GRID2: variants seen among roughly 807,000 people sequenced by gnomAD.
The protein encoded by GRID2 is glutamate ionotropic receptor delta type subunit 2, also known as glutamate receptor ionotropic, delta-2.
A neutral mutation model predicts 114.8 loss-of-function variants in GRID2; 33 were observed. The ratio of observed to expected loss-of-function variants is 0.29; its 90% CI spans 0.22 to 0.38. The LOEUF (loss-of-function observed/expected upper bound fraction) is 0.38. Ranked by LOEUF, GRID2 falls within the 10% of genes least tolerant of loss-of-function variation. The pLI is 1.00. For missense variants in GRID2, 1,184 were observed against 1,257.7 expected (o/e 0.94, Z 0.89); for synonymous variants, 505 against 449.9 (o/e 1.12, Z -1.55).
intron 4 of GRID2, among the ~76,000 whole-genome samples, chr4:93,167,828 A>T (rs1195511120): frequency 3.3e-5 from 5 of 152,096 alleles, no homozygotes; most frequent in Admixed American, 6.6e-5. Flanking sequence ...AATATTTTAG[A>T]GATGCATTCT....
intron 8 of GRID2, among the ~76,000 whole-genome samples, chr4:93,323,254 T>C (rs556398883): frequency 6.6e-6 from 1 of 152,340 alleles, no homozygotes; most frequent in Admixed American, 6.5e-5. Flanking sequence ...CAGTTTCAGC[T>C]TTCTACATAT....
At chr4:92,676,963 A>G (rs990875755) in intron 2 of GRID2, among the ~76,000 whole-genome samples, 4 of 152,222 alleles carry the variant, frequency 2.6e-5, no homozygotes, top group African/African-American at 9.6e-5. Flanking sequence ...AAATTCTGAC[A>G]CATGCTAAAA....
At chr4:92,927,706 G>A (rs1448678656) in intron 2 of GRID2, among the ~76,000 whole-genome samples, 1 of 151,770 alleles carries the variant, frequency 6.6e-6, no homozygotes, top group Non-Finnish European at 1.5e-5. Context: ...AGTTGTCTGA[G>A]AGTGTGCATT....
At chr4:93,419,367 T>C (rs765043910) in intron 9 of GRID2, among the ~76,000 whole-genome samples, 5 of 151,964 alleles carry the variant, frequency 3.3e-5, no homozygotes, top group African/African-American at 4.8e-5. Flanking sequence ...TAGATAAAAG[T>C]GATCAAAACA....
At chr4:93,142,216 C>T (rs1735837717) in intron 4 of GRID2, among the ~76,000 whole-genome samples, 1 of 151,986 alleles carries the variant, frequency 6.6e-6, no homozygotes, top group Admixed American at 6.6e-5. Context: ...CTATCTCAAA[C>T]AAACAAACAA....
intron 2 of GRID2, among the ~76,000 whole-genome samples, chr4:92,762,616 A>C (rs1409915087): frequency 1.3e-5 from 2 of 152,192 alleles, no homozygotes; most frequent in Non-Finnish European, 2.9e-5. Context: ...GGATGTAGTG[A>C]TGCCCCACTT....
chr4:92,944,242 G>A (rs894231734), intron 2 of GRID2, among the ~76,000 whole-genome samples: 13 of 151,910 alleles, frequency 8.6e-5, no homozygotes, highest in South Asian at 2.1e-4. Context: ...AATTTTGGCC[G>A]CTTTGTTTAC....
At chr4:92,906,618 T>G (rs1747977200) in intron 2 of GRID2, among the ~76,000 whole-genome samples, 2 of 152,062 alleles carry the variant, frequency 1.3e-5, no homozygotes, top group Admixed American at 6.6e-5. Context: ...TACTTATCAT[T>G]TATTTATTTA....
intron 2 of GRID2, among the ~76,000 whole-genome samples, chr4:92,785,554 A>G (rs1459278039): frequency 6.6e-6 from 1 of 151,782 alleles, no homozygotes; most frequent in Non-Finnish European, 1.5e-5. Context: ...TGCTATCTTT[A>G]AAAACAGGCT....
chr4:93,291,471 T>C (rs1339179295), intron 8 of GRID2, among the ~76,000 whole-genome samples: 1 of 152,206 alleles, frequency 6.6e-6, no homozygotes, highest in Non-Finnish European at 1.5e-5. Flanking sequence ...GTCTGACGTA[T>C]AGTAAACACT....
intron 12 of GRID2, among the ~76,000 whole-genome samples, chr4:93,503,657 A>G (rs1728352398): frequency 6.6e-6 from 1 of 152,002 alleles, no homozygotes; most frequent in Non-Finnish European, 1.5e-5. Context: ...ACATGAACTC[A>G]AACCACTTTG....
chr4:92,440,730 G>A (rs996643438), intron 1 of GRID2, among the ~76,000 whole-genome samples: 126 of 152,010 alleles, frequency 8.3e-4, no homozygotes, highest in East Asian at 3.5e-3. Context: ...TAAATCAAGC[G>A]TGATCAGGGT....
chr4:93,284,539 T>C (rs72666969), intron 8 of GRID2, among the ~76,000 whole-genome samples: 1,556 of 151,608 alleles, frequency 0.01, 11 homozygotes, highest in Middle Eastern at 0.038. Flanking sequence ...AAATATATAA[T>C]AAATTAATAA....
chr4:92,644,162 C>T (rs1235833213), intron 2 of GRID2, among the ~76,000 whole-genome samples: 1 of 151,546 alleles, frequency 6.6e-6, no homozygotes, highest in East Asian at 1.9e-4. Context: ...TTTCTAACAT[C>T]TTTTTCATTG....
In GRID2 at chr4:93,110,784, C is replaced by G. The variant is rs142718797; in HGVS notation, c.566C>G (p.Ser189Cys). 4.3e-6 allele frequency: 7 copies of G among 1,613,070 alleles called. No homozygotes were observed. The African/African-American group carries it at 6.7e-5, about 15-fold the overall frequency. Residue 189 changes from serine (S) to cysteine (C), a missense_variant, in exon 4 of 16, where the codon TCT becomes TGT. This residue lies in a region of GRID2 where 455 missense variants were observed against 429.5 expected (regional missense o/e 1.06). Transcript: ENST00000282020. The stretch of plus-strand genomic sequence containing the variant: ...ATACAGGAGTTCTTGGACAAAGTCT[C>G]TCAGCAGGGAATGGATGTTGCACTT... ...RGIQEFLDKVSQQGMDVALQK... is the reference protein window; with the variant it reads ...RGIQEFLDKVCQQGMDVALQK...
At chr4:92,753,142 G>A (rs1560572801) in intron 2 of GRID2, among the ~76,000 whole-genome samples, 1 of 152,084 alleles carries the variant, frequency 6.6e-6, no homozygotes, top group Admixed American at 6.6e-5. Flanking sequence ...GATTAGTTAG[G>A]TAACTGCTCA....
chr4:92,433,542 T>A (rs1732576811), intron 1 of GRID2, among the ~76,000 whole-genome samples: 1 of 152,308 alleles, frequency 6.6e-6, no homozygotes, highest in Middle Eastern at 3.4e-3. Context: ...TGAGTTCCAA[T>A]GCCAAGTCCC....
intron 10 of GRID2, among the ~76,000 whole-genome samples, chr4:93,427,460 G>A (rs550255223): frequency 7.2e-5 from 11 of 152,044 alleles, no homozygotes; most frequent in South Asian, 6.2e-4. Flanking sequence ...GGATTAACTC[G>A]TGTGCCTTTC....
At position 93,165,906 on chromosome 4, in the gene GRID2, C is replaced by T. The variant is rs188422992; in HGVS notation, c.736-41498C>T. On this transcript the variant is annotated intron_variant, in intron 4 of 15. Coordinates refer to ENST00000282020, the MANE Select transcript of GRID2 (RefSeq NM_001510.4). ...GGAATGTCATTTGTATTTATTAATA[C>T]TCAACCAATATTGCATTGAATATCT... Among the ~76,000 whole-genome samples, 489 of 152,138 alleles carry T rather than the reference C, an allele frequency of 3.2e-3. 8 individuals are homozygous for T. Among genetic ancestry groups the T allele is most frequent in the Non-Finnish European group, 6.2e-4 (42 of 67,986 alleles).
Sources: gnomAD v4.1 joint callset for allele counts (sites outside exome capture counted in the v4.1 genomes callset) on GRCh38, gnomAD v4.1.1 for gene constraint, gnomAD v4.1.1 regional missense constraint, MANE v1.5 for transcripts, NCBI Gene and HGNC (gene_info 2026-07-23, HGNC 2026-07-21) for gene names.